The following XPR1 variants were observed in gnomAD, a reference collection of about 807,000 sequenced individuals.
XPR1 encodes the protein solute carrier family 53 member 1.
A neutral mutation model predicts 87.5 loss-of-function variants in XPR1; 28 were observed. The observed-to-expected ratio is 0.32, with a 90% CI of 0.24 to 0.44. The LOEUF (loss-of-function observed/expected upper bound fraction) is 0.44. Ranked by LOEUF, XPR1 falls within the 20% of genes least tolerant of loss-of-function variation. The pLI, the probability that XPR1 is intolerant of heterozygous loss-of-function variation, is 1.00. For synonymous variants in XPR1, 300 were observed against 306.1 expected, an observed-to-expected ratio of 0.98 and a Z score of 0.21; for missense variants, 559 against 862.3, an observed-to-expected ratio of 0.65 and a Z score of 4.41.
chr1:180,857,920 T>C (rs1652088016), intron 11 of XPR1, among the ~76,000 whole-genome samples: 1 of 152,156 alleles, frequency 6.6e-6, no homozygotes, highest in African/African-American at 2.4e-5. Context: ...ATTTTTATTA[T>C]AAAAACAATA....
At chr1:180,655,386 GTC>G (rs200586159) in intron 1 of XPR1, among the ~76,000 whole-genome samples, 5 of 147,038 alleles carry the variant, frequency 3.4e-5, no homozygotes, top group South Asian at 2.1e-4. Flanking sequence ...TCTGTTGATA[GTC>G]TCTCTCTCTC....
At chr1:180,822,148 C>G (rs143676250) in intron 7 of XPR1, among the ~76,000 whole-genome samples, 99 of 152,340 alleles carry the variant, frequency 6.5e-4, no homozygotes, top group African/African-American at 2.3e-3. Context: ...ACAAAACCTT[C>G]TACAGGCTTG....
rs1009671540 is a variant in XPR1, at chr1:180,695,453, C to T, written c.121+13042C>T. Among the ~76,000 whole-genome samples, 46 of 137,256 alleles carry T rather than the reference C, an allele frequency of 3.4e-4. 1 individual carries two copies. The highest frequency in any genetic ancestry group is 2.6e-3 in the South Asian group (11 of 4,222). 90.0% of individuals were successfully genotyped at this position (137,256 alleles called of 152,430 possible). On this transcript the variant is annotated intron_variant, in intron 2 of 14. Coordinates refer to ENST00000367590, the MANE Select transcript of XPR1 (RefSeq NM_004736.4). ...GTGTGTGTGTGTGTATGCGCGCGCACGCGCGCGCTTTTGTTGCCTGCGCTT... is the reference window on the plus strand; with the variant it reads ...GTGTGTGTGTGTGTATGCGCGCGCATGCGCGCGCTTTTGTTGCCTGCGCTT...
chr1:180,824,470 A>T (rs1650753132), intron 7 of XPR1, among the ~76,000 whole-genome samples: 2 of 152,076 alleles, frequency 1.3e-5, no homozygotes, highest in African/African-American at 2.4e-5. Context: ...AATCCCAGTT[A>T]CTCGGGAGAC....
At chr1:180,813,705 T>C (rs183533356) in intron 7 of XPR1, among the ~76,000 whole-genome samples, 1 of 152,296 alleles carries the variant, frequency 6.6e-6, no homozygotes, top group East Asian at 1.9e-4. Flanking sequence ...CTTCTTATAG[T>C]CAAGGACTTT....
chr1:180,792,092 G>A (rs1649410171), intron 3 of XPR1, among the ~76,000 whole-genome samples: 1 of 152,130 alleles, frequency 6.6e-6, no homozygotes, highest in Non-Finnish European at 1.5e-5. Flanking sequence ...GTCCTCAACA[G>A]TATCTTTTTT....
intron 12 of XPR1, among the ~76,000 whole-genome samples, chr1:180,868,454 T>G (rs1652451806): frequency 4.0e-5 from 1 of 24,784 alleles, no homozygotes; most frequent in Non-Finnish European, 7.8e-5. Flanking sequence ...GAGCATGGAA[T>G]GTTCTTCCAT....
At chr1:180,698,742 T>A (rs1406102400) in intron 2 of XPR1, among the ~76,000 whole-genome samples, 3 of 152,232 alleles carry the variant, frequency 2.0e-5, no homozygotes, top group Non-Finnish European at 2.9e-5. Context: ...GAAAAAAAAA[T>A]ATTTCTCCTT....
At chr1:180,744,833 A>G (rs1557985771) in intron 2 of XPR1, among the ~76,000 whole-genome samples, 1 of 151,298 alleles carries the variant, frequency 6.6e-6, no homozygotes, top group South Asian at 2.1e-4. Flanking sequence ...TTGTATTTTT[A>G]GTAGAGACGG....
rs1653022225 is a variant in XPR1, at chr1:180,886,718, G to A, written c.*2652G>A. On this transcript the variant is annotated 3_prime_UTR_variant, in exon 15 of 15. Coordinates refer to ENST00000367590, the MANE Select transcript of XPR1 (RefSeq NM_004736.4). ...AAAAGAGGACTTTTCCTCATCAAGA[G>A]AGCTTGGGAGACAAAGCATACATTT... is the stretch of plus-strand genomic sequence containing the variant. 6.6e-6 allele frequency: 1 copy of A among 152,182 alleles called. No homozygotes were observed. The highest frequency in any genetic ancestry group is 1.5e-5 in the Non-Finnish European group (1 of 68,032). The allele number at this position is 152,182 out of a possible 1,614,324, so 9.4% of individuals were successfully genotyped here. A position where few individuals can be genotyped will look rare whatever the true frequency, so the allele number is the denominator to read the frequency against.
At chr1:180,753,543 G>A (rs1009407575) in intron 2 of XPR1, among the ~76,000 whole-genome samples, 2 of 149,596 alleles carry the variant, frequency 1.3e-5, no homozygotes, top group African/African-American at 4.9e-5. Context: ...AACAGAGTCA[G>A]ACCCTGTCTT....
At chr1:180,653,328 G>A (rs73049473) in intron 1 of XPR1, among the ~76,000 whole-genome samples, 2,548 of 152,210 alleles carry the variant, frequency 0.017, 79 homozygotes, top group African/African-American at 0.056. Flanking sequence ...GGGTCCACCT[G>A]ATATACAAAT....
intron 2 of XPR1, among the ~76,000 whole-genome samples, chr1:180,759,173 T>A (rs376393846): frequency 6.6e-6 from 1 of 152,070 alleles, no homozygotes. Context: ...AGGAAAGATC[T>A]AAAATTGACA....
chr1:180,768,139 C>T (rs907663512), intron 2 of XPR1, among the ~76,000 whole-genome samples: 4 of 152,120 alleles, frequency 2.6e-5, no homozygotes, highest in Non-Finnish European at 5.9e-5. Flanking sequence ...CCACCGTGCC[C>T]GGCCCACAAG....
chr1:180,879,945 A>G lies in XPR1; in HGVS notation c.1809-131A>G, dbSNP rs2271668. On this transcript the variant is annotated intron_variant, in intron 13 of 14. Transcript: ENST00000367590. ...CCTCCCCGCAACACCATCTTTCCCT[A>G]TTTTAATATTCAAGCCCTTAATTCT... is the stretch of plus-strand genomic sequence containing the variant. 99,758 of 930,118 alleles carry G rather than the reference A, an allele frequency of 0.11. 6,522 individuals carry two copies. The highest frequency in any genetic ancestry group is 0.3 in the East Asian group (11,983 of 39,296). 57.6% of individuals were successfully genotyped at this position (930,118 alleles called of 1,614,324 possible).
At chr1:180,789,113 G>A (rs1649285631) in intron 3 of XPR1, among the ~76,000 whole-genome samples, 1 of 152,148 alleles carries the variant, frequency 6.6e-6, no homozygotes. Flanking sequence ...CATTCTCTTA[G>A]CTATCATTGT....
Position 180,806,727 on chromosome 1 carries a change from AATT to A in XPR1, c.681+173_681+175del, listed in dbSNP as rs139820549. 1.6e-3 allele frequency among the ~76,000 whole-genome samples: 243 copies of A among 152,224 alleles called. 1 individual carries two copies. Among genetic ancestry groups the A allele is most frequent in the African/African-American group, 5.5e-3 (229 of 41,556 alleles). ...ATATGCTATATTTTACTTCATTCTG[AATT>A]ATAATGTCTTCCACCTTTCTCTTCT... is the stretch of plus-strand genomic sequence containing the variant. On this transcript the variant is annotated intron_variant, in intron 6 of 14. Coordinates refer to ENST00000367590, the MANE Select transcript of XPR1 (RefSeq NM_004736.4).
intron 2 of XPR1, among the ~76,000 whole-genome samples, chr1:180,696,194 GTGTGTGTGTGTGTGTA>G (rs1267019664): frequency 8.9e-6 from 1 of 112,862 alleles, no homozygotes; most frequent in Admixed American, 8.8e-5. Flanking sequence ...GTGTGTGTGT[GTGTGTGTGTGTGTGTA>G]TATATATATA....
chr1:180,854,735 A>T (rs569524609), intron 11 of XPR1, among the ~76,000 whole-genome samples: 6 of 152,338 alleles, frequency 3.9e-5, no homozygotes, highest in South Asian at 4.1e-4. Flanking sequence ...TATAGGAAAG[A>T]AAGTCTTGGC....
Sources: gnomAD v4.1 joint callset for allele counts (sites outside exome capture counted in the v4.1 genomes callset) on GRCh38, gnomAD v4.1.1 for gene constraint, MANE v1.5 for transcripts, NCBI Gene and HGNC (gene_info 2026-07-23, HGNC 2026-07-21) for gene names.